Variants in CDH12 observed in about 807,000 individuals in gnomAD.
The protein encoded by CDH12 is cadherin-12.
Under a neutral mutation model 74.1 loss-of-function variants are expected in CDH12, and 41 were observed. The ratio of observed to expected loss-of-function variants is 0.55; its 90% confidence interval spans 0.43 to 0.72. The LOEUF is 0.72. Among genes scored for constraint, CDH12 ranks in the 30% least tolerant of loss-of-function variants. CDH12 has a pLI of 0.00. For synonymous variants in CDH12, 399 were observed against 355.0 expected (o/e 1.12, Z -1.39); for missense variants, 945 against 977.2 (o/e 0.97, Z 0.44).
intron 2 of CDH12, among the ~76,000 whole-genome samples, chr5:22,448,351 T>G (rs1180501061): frequency 6.6e-6 from 1 of 151,606 alleles, no homozygotes; most frequent in African/African-American, 2.4e-5. Flanking sequence ...TGCCAGTGAA[T>G]GAGTCCAATT....
At chr5:22,114,461 AT>A (rs1409701347) in intron 4 of CDH12, among the ~76,000 whole-genome samples, 1 of 152,162 alleles carries the variant, frequency 6.6e-6, no homozygotes, top group Non-Finnish European at 1.5e-5. Context: ...ACTATAGAAA[AT>A]AGTCACAAAG....
chr5:22,680,010 G>A (rs1741410201), intron 1 of CDH12, among the ~76,000 whole-genome samples: 4 of 152,084 alleles, frequency 2.6e-5, no homozygotes, highest in Admixed American at 1.3e-4. Context: ...CAAGCTCCTT[G>A]AGGAACAAAC....
At chr5:22,310,618 A>T (rs1738348007) in intron 3 of CDH12, among the ~76,000 whole-genome samples, 1 of 152,190 alleles carries the variant, frequency 6.6e-6, no homozygotes, top group African/African-American at 2.4e-5. Context: ...ATGTAAGACC[A>T]TCCAATAGCA....
At chr5:22,108,874 C>T (rs1473301862) in intron 4 of CDH12, among the ~76,000 whole-genome samples, 1 of 152,014 alleles carries the variant, frequency 6.6e-6, no homozygotes, top group East Asian at 1.9e-4. Flanking sequence ...CAGCAACCCC[C>T]ATTAGAAAAT....
intron 1 of CDH12, among the ~76,000 whole-genome samples, chr5:22,835,709 G>C (rs1314689954): frequency 1.3e-5 from 2 of 152,080 alleles, no homozygotes; most frequent in African/African-American, 4.8e-5. Flanking sequence ...TCACCTTCTT[G>C]TATTCTATAT....
At chr5:22,445,315 G>C (rs1744777995) in intron 2 of CDH12, among the ~76,000 whole-genome samples, 1 of 152,038 alleles carries the variant, frequency 6.6e-6, no homozygotes, top group Admixed American at 6.6e-5. Context: ...GTTGAATCTT[G>C]GGGCTTAAGA....
chr5:22,818,007 AGT>A (rs1467122790), intron 1 of CDH12, among the ~76,000 whole-genome samples: 1 of 152,194 alleles, frequency 6.6e-6, no homozygotes, highest in Non-Finnish European at 1.5e-5. Flanking sequence ...AGGGTTGTGT[AGT>A]GTGTGGGTCG....
intron 2 of CDH12, among the ~76,000 whole-genome samples, chr5:22,424,002 CAAAAAAAAAAAAAA>C (rs1165781089): frequency 1.9e-4 from 6 of 31,226 alleles, no homozygotes; most frequent in African/African-American, 6.1e-4. Context: ...GACTCTGTCT[CAAAAAAAAAAAAAA>C]AAAAAAAAAA....
At chr5:22,083,848 T>C (rs1467304263) in intron 4 of CDH12, among the ~76,000 whole-genome samples, 1 of 152,138 alleles carries the variant, frequency 6.6e-6, no homozygotes, top group East Asian at 1.9e-4. Context: ...AAACAAGGAA[T>C]ATGTGCCCGC....
intron 1 of CDH12, among the ~76,000 whole-genome samples, chr5:22,682,856 G>T (rs1741568888): frequency 6.6e-6 from 1 of 151,712 alleles, no homozygotes. Flanking sequence ...TGATATTAAA[G>T]AATAAATTAA....
At position 21,880,612 on chromosome 5, in the gene CDH12, C is replaced by CTCTCTCTCT. The variant is rs1561268318; in HGVS notation, c.527-25823_527-25822insAGAGAGAGA. Among the ~76,000 whole-genome samples the CTCTCTCTCT allele has an allele frequency of 5.6e-4, 39 of 69,930 alleles. 2 individuals are homozygous for CTCTCTCTCT. The highest frequency in any genetic ancestry group is 2.3e-3 in the African/African-American group (35 of 15,254). The allele number at this position is 69,930 out of a possible 152,430, so 45.9% of individuals were successfully genotyped here. ...CCTTCCTTCCTTCCTTCCTTCCTTC[C>CTCTCTCTCT]TTCCTTCTTTCTTTCTTTCTTTCTT... On this transcript the variant is annotated intron_variant, in intron 6 of 14. Transcript: ENST00000382254.
At chr5:22,029,627 T>G (rs1441768995) in intron 5 of CDH12, among the ~76,000 whole-genome samples, 1 of 152,134 alleles carries the variant, frequency 6.6e-6, no homozygotes, top group Non-Finnish European at 1.5e-5. Flanking sequence ...GTGATAGAGA[T>G]GATGTGGAGA....
chr5:22,565,926 C>T (rs1273950434), intron 1 of CDH12, among the ~76,000 whole-genome samples: 1 of 152,022 alleles, frequency 6.6e-6, no homozygotes, highest in Non-Finnish European at 1.5e-5. Context: ...TTAAACAATA[C>T]AAAATACACC....
At position 22,019,053 on chromosome 5, in the gene CDH12, G is replaced by T. The variant is rs60269175; in HGVS notation, c.232-43668C>A. The stretch of plus-strand genomic sequence containing the variant: ...CCAGGCTGGGCAACAGAGCAAGACT[G>T]TGTCTCAAAAAAAAAAAAAATTAAA... On this transcript the variant is annotated intron_variant, in intron 5 of 14. Coordinates refer to ENST00000382254, the MANE Select transcript of CDH12 (RefSeq NM_004061.5). 1.3e-4 allele frequency among the ~76,000 whole-genome samples: 17 copies of T among 126,122 alleles called. No individual in the cohort carries two copies. In the East Asian group the frequency reaches 4.6e-3, roughly 34 times the overall value. 82.7% of individuals were successfully genotyped at this position (126,122 alleles called of 152,430 possible). A position where few individuals can be genotyped will look rare whatever the true frequency, so the allele number is the denominator to read the frequency against.
Position 22,153,889 on chromosome 5 carries a change from A to AAAAT in CDH12, c.-187+58608_-187+58609insATTT, listed in dbSNP as rs1554015746. On this transcript the variant is annotated intron_variant, in intron 4 of 14. Coordinates refer to ENST00000382254, the MANE Select transcript of CDH12 (RefSeq NM_004061.5). Reference sequence around the variant, plus strand: ...ATATATATGTATATATATATATATAAATATATATATATATACACACACATA... The same window carrying AAAAT: ...ATATATATGTATATATATATATATAAAAATATATATATATATATACACACACATA... Among the ~76,000 whole-genome samples the AAAAT allele has an allele frequency of 3.8e-4, 16 of 42,060 alleles. 1 individual carries two copies. Among genetic ancestry groups the AAAAT allele is most frequent in the African/African-American group, 1.0e-3 (16 of 15,478 alleles). The allele number at this position is 42,060 out of a possible 152,430, so 27.6% of individuals were successfully genotyped here.
chr5:22,161,213 CTA>C (rs1317180503), intron 4 of CDH12, among the ~76,000 whole-genome samples: 1 of 152,162 alleles, frequency 6.6e-6, no homozygotes, highest in Non-Finnish European at 1.5e-5. Context: ...TTTGTCAACA[CTA>C]TGTTATGGAG....
chr5:22,469,239 T>C (rs1206980935), intron 2 of CDH12, among the ~76,000 whole-genome samples: 1 of 152,218 alleles, frequency 6.6e-6, no homozygotes, highest in Non-Finnish European at 1.5e-5. Flanking sequence ...TTCTTGTTTA[T>C]GTTTGCTAGG....
In CDH12 at chr5:22,477,833, T is replaced by C. The variant is rs539992270; in HGVS notation, c.-428+27437A>G. 4.5e-3 allele frequency among the ~76,000 whole-genome samples: 687 copies of C among 152,346 alleles called. 11 individuals carry two copies. The highest frequency in any genetic ancestry group is 0.016 in the African/African-American group (666 of 41,582). On this transcript the variant is annotated intron_variant, in intron 2 of 14. Coordinates refer to ENST00000382254, the MANE Select transcript of CDH12 (RefSeq NM_004061.5). ...CTACACTGATTACAATAAATGGTGC[T>C]GTACAGCTTTTGCTAAAGTGTAACA...
At chr5:21,889,381 G>A (rs558362721) in intron 6 of CDH12, among the ~76,000 whole-genome samples, 1 of 152,214 alleles carries the variant, frequency 6.6e-6, no homozygotes, top group African/African-American at 2.4e-5. Context: ...CAGATCAGGA[G>A]GCCCCCTAGT....
Sources: gnomAD v4.1 joint callset for allele counts (sites outside exome capture counted in the v4.1 genomes callset) on GRCh38, gnomAD v4.1.1 for gene constraint, MANE v1.5 for transcripts, NCBI Gene and HGNC (gene_info 2026-07-23, HGNC 2026-07-21) for gene names.